BRINP2: variants seen among roughly 807,000 people sequenced by gnomAD.
BRINP2 encodes BMP/retinoic acid-inducible neural-specific protein 2.
A neutral mutation model predicts 69.2 loss-of-function variants in BRINP2; 21 were observed. The observed-to-expected ratio is 0.30, with a 90% CI of 0.22 to 0.44. BRINP2 has a LOEUF of 0.44. BRINP2 is among the 20% of genes least tolerant of loss of function. BRINP2 has a pLI of 1.00. For synonymous variants in BRINP2, 380 were observed against 394.1 expected (o/e 0.96, Z 0.42); for missense variants, 877 against 986.0 (o/e 0.89, Z 1.48).
intron 4 of BRINP2, among the ~76,000 whole-genome samples, chr1:177,265,083 C>T (rs1249940526): frequency 6.6e-6 from 1 of 152,180 alleles, no homozygotes. Flanking sequence ...ACCGAAATAG[C>T]ACGGTACTGG....
chr1:177,224,961 A>G (rs1350605790), intron 1 of BRINP2, among the ~76,000 whole-genome samples: 1 of 152,204 alleles, frequency 6.6e-6, no homozygotes, highest in African/African-American at 2.4e-5. Flanking sequence ...AATAATTTTC[A>G]ATGAAGAAAT....
chr1:177,198,900 C>T (rs1437295367), intron 1 of BRINP2, among the ~76,000 whole-genome samples: 2 of 152,122 alleles, frequency 1.3e-5, no homozygotes, highest in Admixed American at 6.6e-5. Flanking sequence ...CTTTTTACAC[C>T]TGTCTCAGTC....
intron 1 of BRINP2, among the ~76,000 whole-genome samples, chr1:177,210,323 T>C (rs923946448): frequency 8.5e-5 from 13 of 152,282 alleles, no homozygotes; most frequent in African/African-American, 3.1e-4. Context: ...AACCAAGCAG[T>C]TGGAGGTGGA....
In BRINP2 at chr1:177,257,309, C is replaced by G. The variant is rs147437706; in HGVS notation, c.594C>G (p.Ala198=). The G allele has an allele frequency of 4.3e-6, 7 of 1,613,924 alleles. No homozygotes were observed. The African/African-American group carries it at 6.7e-5, about 15-fold the overall frequency. ...CCCTGGAGACCCTGCACCAGCTGGCCGCCTCCTACTTCATCGACAGAGAGA... is the reference window on the plus strand; with the variant it reads ...CCCTGGAGACCCTGCACCAGCTGGCGGCCTCCTACTTCATCGACAGAGAGA... ...AVSLETLHQL[A]ASYFIDREST... Residue 198 remains alanine (A), a synonymous_variant, in exon 4 of 8, where the codon GCC becomes GCG. Coordinates refer to ENST00000361539, the MANE Select transcript of BRINP2 (RefSeq NM_021165.4).
intron 5 of BRINP2, chr1:177,275,045 T>A (rs1651450194): frequency 2.2e-6 from 1 of 448,908 alleles, no homozygotes; most frequent in African/African-American, 2.0e-5. Context: ...GCTCACCATA[T>A]CCAGAAGTTC....
chr1:177,275,418 T>A (rs1184816100), intron 5 of BRINP2, among the ~76,000 whole-genome samples: 1 of 152,170 alleles, frequency 6.6e-6, no homozygotes, highest in Non-Finnish European at 1.5e-5. Context: ...TCTTCAGAGT[T>A]AAATCCTATT....
chr1:177,280,851 T>C lies in BRINP2; in HGVS notation c.1675T>C (p.Tyr559His), dbSNP rs1558189709. ...RMLLTLKSNKYKPGLVHVMLA... is the reference protein window; with the variant it reads ...RMLLTLKSNKHKPGLVHVMLA... ...GCTGCTCACCCTGAAGAGCAACAAG[T>C]ACAAGCCTGGGCTGGTGCACGTGAT... Residue 559 changes from tyrosine to histidine, a missense_variant, in exon 8 of 8, where the codon TAC becomes CAC. This residue lies in a region of BRINP2 where 86 missense variants were observed against 142.1 expected (regional missense o/e 0.61). Transcript: ENST00000361539. The C allele has an allele frequency of 1.2e-6, 2 of 1,614,062 alleles. No homozygotes were observed. Among genetic ancestry groups the C allele is most frequent in the Non-Finnish European group, 1.7e-6 (2 of 1,179,958 alleles).
In BRINP2 at chr1:177,264,923, T is replaced by C. The variant is rs543166788; in HGVS notation, c.669+7539T>C. On this transcript the variant is annotated intron_variant, in intron 4 of 7. Coordinates refer to ENST00000361539, the MANE Select transcript of BRINP2 (RefSeq NM_021165.4). Reference sequence around the variant, plus strand: ...CAATGCTATCCCCAACAAGCTACCATTGACTTTCTTCACAGAGTTAGAAAA... The same window carrying C: ...CAATGCTATCCCCAACAAGCTACCACTGACTTTCTTCACAGAGTTAGAAAA... Among the ~76,000 whole-genome samples the C allele has an allele frequency of 5.3e-5, 8 of 152,280 alleles. No homozygotes were observed. In the East Asian group the frequency reaches 1.2e-3, roughly 22 times the overall value.
rs574122981 is a variant in BRINP2, at chr1:177,281,502, T to G, written c.2326T>G (p.Tyr776Asp). The G allele has an allele frequency of 1.2e-6, 2 of 1,608,632 alleles. No homozygotes were observed. Among genetic ancestry groups the G allele is most frequent in the South Asian group, 2.2e-5 (2 of 90,872 alleles). ...FNSKLPNPVE[Y>D]ETGKLCS ...TTCTAAGCTGCCAAACCCTGTGGAA[T>G]ATGAGACCGGCAAACTCTGTAGCTA... is the stretch of plus-strand genomic sequence containing the variant. Residue 776 changes from tyrosine to aspartate, a missense_variant, in exon 8 of 8, where the codon TAT becomes GAT. This residue lies in a region of BRINP2 where 225 missense variants were observed against 218.7 expected (regional missense o/e 1.03). Transcript: ENST00000361539.
intron 1 of BRINP2, among the ~76,000 whole-genome samples, chr1:177,200,087 T>A (rs1224583577): frequency 6.6e-6 from 1 of 151,018 alleles, no homozygotes; most frequent in Non-Finnish European, 1.5e-5. Flanking sequence ...TGGTCAGGAG[T>A]TCGAGACCAG....
intron 2 of BRINP2, among the ~76,000 whole-genome samples, chr1:177,247,595 A>G (rs1240731679): frequency 6.6e-6 from 1 of 152,244 alleles, no homozygotes; most frequent in Non-Finnish European, 1.5e-5. Context: ...AGTCTCTTTC[A>G]GCACTGCAGT....
chr1:177,268,616 C>T (rs544444238), intron 4 of BRINP2, among the ~76,000 whole-genome samples: 11 of 152,234 alleles, frequency 7.2e-5, no homozygotes, highest in Admixed American at 5.2e-4. Flanking sequence ...GGAAGGTTTA[C>T]CCAAATTGGC....
intron 3 of BRINP2, 62 bp downstream of exon 3, chr1:177,256,171 T>TCGTGTAG (rs1650749229): frequency 1.9e-6 from 3 of 1,556,192 alleles, no homozygotes; most frequent in South Asian, 2.4e-5. Context: ...ACGTTAAGAC[T>TCGTGTAG]CGTGTAGCGT....
chr1:177,280,444 C>A lies in BRINP2; in HGVS notation c.1268C>A (p.Ser423Tyr). Residue 423 changes from serine (S) to tyrosine (Y), a missense_variant, in exon 8 of 8, where the codon TCC becomes TAC. Ser to Tyr is a moderately radical substitution (Grantham distance 144, BLOSUM62 -2). This residue lies in a region of BRINP2 where 566 missense variants were observed against 625.2 expected (regional missense o/e 0.91). Transcript: ENST00000361539. ...TCCTACTGGTGGAACCGAATCCAGTCCCTCCTCTACTGTGGGGAAAGCACC... is the reference window on the plus strand; with the variant it reads ...TCCTACTGGTGGAACCGAATCCAGTACCTCCTCTACTGTGGGGAAAGCACC... Reference protein sequence around the residue: ...SLSYWWNRIQSLLYCGESTFP... With the variant: ...SLSYWWNRIQYLLYCGESTFP... 6.2e-7 allele frequency: 1 copy of A among 1,612,242 alleles called. No homozygotes were observed. The highest frequency in any genetic ancestry group is 1.1e-5 in the South Asian group (1 of 90,700).
At chr1:177,217,215 T>C (rs1481306924) in intron 1 of BRINP2, among the ~76,000 whole-genome samples, 2 of 152,084 alleles carry the variant, frequency 1.3e-5, no homozygotes, top group Non-Finnish European at 2.9e-5. Flanking sequence ...TATTATTTAC[T>C]CCTCTGATTG....
At chr1:177,202,912 G>A (rs1302407840) in intron 1 of BRINP2, among the ~76,000 whole-genome samples, 15 of 152,196 alleles carry the variant, frequency 9.9e-5, no homozygotes, top group African/African-American at 2.2e-4. Flanking sequence ...TGTGGAAGTC[G>A]GTGTGGCAAT....
intron 1 of BRINP2, among the ~76,000 whole-genome samples, chr1:177,193,216 A>G (rs1558154086): frequency 2.6e-5 from 4 of 152,206 alleles, no homozygotes; most frequent in Non-Finnish European, 5.9e-5. Flanking sequence ...CCTACCCTAC[A>G]GTCAGAAGCC....
intron 1 of BRINP2, among the ~76,000 whole-genome samples, chr1:177,177,766 G>T (rs1571880942): frequency 6.6e-6 from 1 of 152,064 alleles, no homozygotes; most frequent in South Asian, 2.1e-4. Context: ...TCTCTCAAAG[G>T]GTTATGCTAA....
intron 2 of BRINP2, among the ~76,000 whole-genome samples, chr1:177,234,479 A>G (rs1170918090): frequency 6.6e-6 from 1 of 152,220 alleles, no homozygotes; most frequent in Non-Finnish European, 1.5e-5. Context: ...CTTTGCTACA[A>G]ATCAAAGTAA....
Sources: gnomAD v4.1 joint callset for allele counts (sites outside exome capture counted in the v4.1 genomes callset) on GRCh38, gnomAD v4.1.1 for gene constraint, gnomAD v4.1.1 regional missense constraint, MANE v1.5 for transcripts, NCBI Gene and HGNC (gene_info 2026-07-23, HGNC 2026-07-21) for gene names.